Variants in PCDHGA4 observed in about 807,000 individuals in gnomAD.
The protein encoded by PCDHGA4 is protocadherin gamma-A4.
Under a neutral mutation model 54.6 loss-of-function variants are expected in PCDHGA4, and 38 were observed. The ratio of observed to expected loss-of-function variants is 0.70; its 90% CI spans 0.54 to 0.91. PCDHGA4 has a LOEUF of 0.91. Among genes scored for constraint, PCDHGA4 ranks in the 40% least tolerant of loss-of-function variants. PCDHGA4 has a pLI of 0.00. For missense variants in PCDHGA4, 1,298 were observed against 1,220.9 expected (o/e 1.06, Z -0.94); for synonymous variants, 511 against 512.9 (o/e 1.00, Z 0.05).
chr5:141,418,452 A>C (rs2096259372), intron 1 of PCDHGA4: 5 of 1,614,024 alleles, frequency 3.1e-6, no homozygotes, highest in Non-Finnish European at 4.2e-6. Context: ...GTATTGCAGA[A>C]GACTCTGGAC....
chr5:141,372,384 T>G, intron 1 of PCDHGA4: 1 of 1,613,990 alleles, frequency 6.2e-7, no homozygotes, highest in Non-Finnish European at 8.5e-7. Flanking sequence ...GCACCTAATC[T>G]TCGCAGATAG....
chr5:141,472,188 G>C (rs779077950), intron 1 of PCDHGA4, among the ~76,000 whole-genome samples: 4 of 152,168 alleles, frequency 2.6e-5, no homozygotes, highest in Middle Eastern at 3.2e-3. Context: ...ATTGGAATTT[G>C]AATCTTTTTG....
intron 1 of PCDHGA4, chr5:141,366,760 T>C (rs1041895625): frequency 1.9e-6 from 3 of 1,605,346 alleles, no homozygotes; most frequent in African/African-American, 2.7e-5. Context: ...AGGTTAGTTT[T>C]CTCTTTCGGT....
chr5:141,362,661 A>C (rs533318965), intron 1 of PCDHGA4: 2 of 1,346,780 alleles, frequency 1.5e-6, no homozygotes, highest in Admixed American at 2.7e-5. Context: ...GATTTGGCCA[A>C]TGTTGTGCCT....
chr5:141,471,906 G>A (rs1376234079), intron 1 of PCDHGA4, among the ~76,000 whole-genome samples: 2 of 152,192 alleles, frequency 1.3e-5, no homozygotes, highest in African/African-American at 4.8e-5. Context: ...CTACAGACAA[G>A]CATGAGGGAA....
intron 1 of PCDHGA4, chr5:141,419,798 A>G: frequency 6.2e-7 from 1 of 1,614,050 alleles, no homozygotes; most frequent in Admixed American, 1.7e-5. Flanking sequence ...AGTCGCTGTA[A>G]GAGATGGAGG....
chr5:141,398,563 G>A lies in PCDHGA4; in HGVS notation c.2514+40942G>A, dbSNP rs375890903. The A allele has an allele frequency of 2.4e-5, 39 of 1,613,842 alleles. No individual in the cohort carries two copies. The African/African-American group carries it at 3.2e-4, about 13-fold the overall frequency. On this transcript the variant is annotated intron_variant, in intron 1 of 3. Coordinates refer to ENST00000571252, the MANE Select transcript of PCDHGA4 (RefSeq NM_018917.4). Reference sequence around the variant, plus strand: ...CTTTGAGCTGCAAATAAGTGAGTCTGCACAGCCTGGCACAAGATTTATACT... The same window carrying A: ...CTTTGAGCTGCAAATAAGTGAGTCTACACAGCCTGGCACAAGATTTATACT...
chr5:141,375,369 C>A lies in PCDHGA4; in HGVS notation c.2514+17748C>A. On this transcript the variant is annotated intron_variant, in intron 1 of 3. Coordinates refer to ENST00000571252, the MANE Select transcript of PCDHGA4 (RefSeq NM_018917.4). ...ACTGTGACAGCCACGGACAAAGGAA[C>A]ACCACCTCTGTCTACAGAAACAATC... 1 of 1,613,892 alleles carries A rather than the reference C, an allele frequency of 6.2e-7. No individual in the cohort carries two copies. Among genetic ancestry groups the A allele is most frequent in the South Asian group, 1.1e-5 (1 of 91,084 alleles).
intron 2 of PCDHGA4, 70 bp downstream of exon 2, chr5:141,494,935 G>T (rs1456805368): frequency 2.5e-6 from 4 of 1,612,364 alleles, no homozygotes; most frequent in African/African-American, 1.3e-5. Context: ...GGGAGGAGAT[G>T]GGGGAGGGCC....
chr5:141,408,609 AG>A, intron 1 of PCDHGA4: 3 of 1,614,088 alleles, frequency 1.9e-6, no homozygotes, highest in Non-Finnish European at 1.7e-6. Context: ...TTTGATAAAA[AG>A]GAAATACATT....
intron 1 of PCDHGA4, chr5:141,362,251 G>T: frequency 6.2e-7 from 1 of 1,613,980 alleles, no homozygotes; most frequent in Non-Finnish European, 8.5e-7. Context: ...CTTCTTCCTC[G>T]CGGTGATTCT....
intron 1 of PCDHGA4, chr5:141,404,365 C>G (rs1322773399): frequency 1.2e-6 from 2 of 1,613,818 alleles, no homozygotes; most frequent in Admixed American, 3.3e-5. Context: ...GTACTTCCAT[C>G]TTCTCCGTGA....
chr5:141,366,162 C>A (rs1037452604), intron 1 of PCDHGA4: 1 of 1,614,110 alleles, frequency 6.2e-7, no homozygotes, highest in South Asian at 1.1e-5. Context: ...CTGCTTAAGG[C>A]CAGCGAGCCA....
At position 141,395,016 on chromosome 5, in the gene PCDHGA4, G is replaced by C. The variant is rs772379480; in HGVS notation, c.2514+37395G>C. The C allele has an allele frequency of 4.3e-6, 7 of 1,613,950 alleles. No homozygotes were observed. In the Admixed American group the frequency reaches 5.0e-5, roughly 12 times the overall value. ...GGATTCCGGTGGCAGATTGGTAGGCGTGCCTGCCTCACATTTTGTGGGTGT... is the reference window on the plus strand; with the variant it reads ...GGATTCCGGTGGCAGATTGGTAGGCCTGCCTGCCTCACATTTTGTGGGTGT... On this transcript the variant is annotated intron_variant, in intron 1 of 3. Coordinates refer to ENST00000571252, the MANE Select transcript of PCDHGA4 (RefSeq NM_018917.4).
chr5:141,409,805 C>T lies in PCDHGA4; in HGVS notation c.2514+52184C>T, dbSNP rs751397816. 8 of 1,611,512 alleles carry T rather than the reference C, an allele frequency of 5.0e-6. No individual in the cohort carries two copies. The African/African-American group carries it at 5.3e-5, about 11-fold the overall frequency. ...CGCCTTCGCGCTCACGCTGCAGGCC[C>T]GCGACCACGGCTCGCCCACGCTCAG... is the stretch of plus-strand genomic sequence containing the variant. On this transcript the variant is annotated intron_variant, in intron 1 of 3. Coordinates refer to ENST00000571252, the MANE Select transcript of PCDHGA4 (RefSeq NM_018917.4).
intron 1 of PCDHGA4, chr5:141,478,285 T>G (rs1468354835): frequency 6.2e-7 from 1 of 1,614,040 alleles, no homozygotes; most frequent in Non-Finnish European, 8.5e-7. Context: ...GGAAGCAGTC[T>G]AGAGACCTAT....
intron 1 of PCDHGA4, among the ~76,000 whole-genome samples, chr5:141,407,567 A>T (rs554405122): frequency 7.0e-4 from 107 of 152,170 alleles, no homozygotes; most frequent in African/African-American, 2.5e-3. Context: ...AAGCTGAAAG[A>T]TAAAATTCTT....
At chr5:141,403,655 A>T (rs1262068795) in intron 1 of PCDHGA4, 6 of 1,613,798 alleles carry the variant, frequency 3.7e-6, no homozygotes, top group Non-Finnish European at 4.2e-6. Context: ...AGTGTTGGAT[A>T]CAAATGATAA....
At chr5:141,501,290 TACACACACACACACACACACACACAC>T (rs55762287) in intron 2 of PCDHGA4, among the ~76,000 whole-genome samples, 1 of 136,164 alleles carries the variant, frequency 7.3e-6, no homozygotes, top group Non-Finnish European at 1.6e-5. Flanking sequence ...TATTCCCTTA[TACACACACACACACACACACACACAC>T]ACACACACAC....
Sources: gnomAD v4.1 joint callset for allele counts (sites outside exome capture counted in the v4.1 genomes callset) on GRCh38, gnomAD v4.1.1 for gene constraint, MANE v1.5 for transcripts, NCBI Gene and HGNC (gene_info 2026-07-23, HGNC 2026-07-21) for gene names.